The following ESRRB variants were observed in gnomAD, a reference collection of about 807,000 sequenced individuals.
The protein encoded by ESRRB is steroid hormone receptor ERR2.
ESRRB carries 16 observed loss-of-function variants against 46.0 expected under a neutral mutation model. That is an observed-to-expected ratio of 0.35 (90% CI 0.24 to 0.53). ESRRB has a LOEUF of 0.53. ESRRB is among the 20% of genes least tolerant of loss of function. The probability of loss-of-function intolerance (pLI) is 0.93; values close to 1 mark genes in which losing one functional copy is unlikely to be tolerated. For synonymous variants in ESRRB, 246 were observed against 259.6 expected, an observed-to-expected ratio of 0.95 and a Z score of 0.50; for missense variants, 488 against 607.4, an observed-to-expected ratio of 0.80 and a Z score of 2.07.
At chr14:76,320,542 G>A (rs1883855091) in intron 1 of ESRRB, among the ~76,000 whole-genome samples, 1 of 152,210 alleles carries the variant, frequency 6.6e-6, no homozygotes, top group South Asian at 2.1e-4. Context: ...AGGGCATGGT[G>A]GGCCCATCTC....
At chr14:76,410,220 C>T (rs1391067459) in intron 1 of ESRRB, among the ~76,000 whole-genome samples, 2 of 152,050 alleles carry the variant, frequency 1.3e-5, no homozygotes. Context: ...CAAGACAGGT[C>T]TCAAAACAAA....
intron 1 of ESRRB, among the ~76,000 whole-genome samples, chr14:76,344,900 T>C (rs1884232179): frequency 6.6e-6 from 1 of 151,768 alleles, no homozygotes; most frequent in Non-Finnish European, 1.5e-5. Context: ...TCACTGCAAA[T>C]GATGTTAATT....
At chr14:76,354,012 G>A (rs542090871) in intron 1 of ESRRB, among the ~76,000 whole-genome samples, 2 of 152,164 alleles carry the variant, frequency 1.3e-5, no homozygotes, top group Non-Finnish European at 2.9e-5. Context: ...CACATTGCAG[G>A]GGTTTGAACC....
chr14:76,494,346 G>A lies in ESRRB; in HGVS notation c.1120+2630G>A, dbSNP rs1890341055. Among the ~76,000 whole-genome samples, 3 of 132,258 alleles carry A rather than the reference G, an allele frequency of 2.3e-5. 1 individual carries two copies. The Admixed American group carries it at 2.5e-4, about 11-fold the overall frequency. The allele number at this position is 132,258 out of a possible 152,430, so 86.8% of individuals were successfully genotyped here. A position where few individuals can be genotyped will look rare whatever the true frequency, so the allele number is the denominator to read the frequency against. ...TTTGAGACAGAATTTTGCTCTTGTT[G>A]CCCAGGCTGGAATGCAGTGGTGCAA... On this transcript the variant is annotated intron_variant, in intron 6 of 6. Transcript: ENST00000644823.
Position 76,423,130 on chromosome 14 carries a change from ATCTT to A in ESRRB, c.51-16208_51-16205del, listed in dbSNP as rs536689282. On this transcript the variant is annotated intron_variant, in intron 1 of 6. Coordinates refer to ENST00000644823, the MANE Select transcript of ESRRB (RefSeq NM_001379180.1). The stretch of plus-strand genomic sequence containing the variant: ...ATCAGAAAATAAGAAAAATGCATAT[ATCTT>A]TCATAACCTTTTTTTTTTTTTTTTT... 4.7e-5 allele frequency among the ~76,000 whole-genome samples: 7 copies of A among 148,678 alleles called. No individual in the cohort carries two copies. The South Asian group carries it at 1.1e-3, about 23-fold the overall frequency.
intron 2 of ESRRB, among the ~76,000 whole-genome samples, chr14:76,457,657 A>G (rs1446787730): frequency 6.6e-6 from 1 of 152,098 alleles, no homozygotes; most frequent in African/African-American, 2.4e-5. Flanking sequence ...GCTTTCTGTC[A>G]CTGAATCTAG....
chr14:76,452,802 G>A (rs1039209156), intron 2 of ESRRB, among the ~76,000 whole-genome samples: 4 of 152,170 alleles, frequency 2.6e-5, no homozygotes, highest in South Asian at 2.1e-4. Flanking sequence ...GAACAATTTC[G>A]TCAGCTGGGA....
intron 1 of ESRRB, among the ~76,000 whole-genome samples, chr14:76,342,899 GTT>G (rs1172589255): frequency 2.0e-5 from 3 of 152,300 alleles, no homozygotes; most frequent in African/African-American, 7.2e-5. Flanking sequence ...AGCCTTTTAT[GTT>G]CCAGTAGAAA....
rs1178018542 is a variant in ESRRB, at chr14:76,469,944, C to CTTTTT, written c.577+7300_577+7304dup. 2.3e-3 allele frequency among the ~76,000 whole-genome samples: 165 copies of CTTTTT among 73,056 alleles called. 1 individual carries two copies. Among genetic ancestry groups the CTTTTT allele is most frequent in the East Asian group, 4.2e-3 (10 of 2,390 alleles). The allele number at this position is 73,056 out of a possible 152,430, so 47.9% of individuals were successfully genotyped here. On this transcript the variant is annotated intron_variant, in intron 3 of 6. Transcript: ENST00000644823. ...GTTTTTTGTTGTTTTTTTTTTTTTT[C>CTTTTT]TTTTTTTTTTTTTTTTTTTTTGAGA...
At chr14:76,412,954 ATAAAT>A (rs1218519415) in intron 1 of ESRRB, among the ~76,000 whole-genome samples, 1 of 152,188 alleles carries the variant, frequency 6.6e-6, no homozygotes, top group African/African-American at 2.4e-5. Context: ...TATCTCTACA[ATAAAT>A]TAAATTAAAT....
intron 6 of ESRRB, among the ~76,000 whole-genome samples, chr14:76,497,802 T>C (rs1279285897): frequency 1.3e-5 from 2 of 152,132 alleles, no homozygotes; most frequent in African/African-American, 2.4e-5. Context: ...CAAGTTCTGT[T>C]ATAAACCCTT....
chr14:76,379,877 A>AAG (rs58286685), intron 1 of ESRRB, among the ~76,000 whole-genome samples: 1 of 151,130 alleles, frequency 6.6e-6, no homozygotes, highest in East Asian at 1.9e-4. Flanking sequence ...AAAAAAAAAA[A>AAG]GCACAGAGAA....
chr14:76,430,868 G>A (rs1371423384), intron 1 of ESRRB, among the ~76,000 whole-genome samples: 1 of 152,238 alleles, frequency 6.6e-6, no homozygotes, highest in Non-Finnish European at 1.5e-5. Flanking sequence ...AGATTCTTGG[G>A]TGTGGTGGGT....
intron 1 of ESRRB, among the ~76,000 whole-genome samples, chr14:76,422,563 G>A (rs1168985745): frequency 6.6e-6 from 1 of 152,086 alleles, no homozygotes; most frequent in African/African-American, 2.4e-5. Flanking sequence ...GAACTATGTG[G>A]GTAGGGACCA....
intron 1 of ESRRB, among the ~76,000 whole-genome samples, chr14:76,361,350 C>T (rs1402231840): frequency 6.6e-6 from 1 of 152,142 alleles, no homozygotes; most frequent in Non-Finnish European, 1.5e-5. Context: ...TCCCCTCTGC[C>T]ACAGCAGTGA....
intron 3 of ESRRB, among the ~76,000 whole-genome samples, chr14:76,477,670 C>G (rs146243842): frequency 1.3e-3 from 200 of 152,312 alleles, no homozygotes; most frequent in African/African-American, 4.7e-3. Flanking sequence ...GAAGAGCAGA[C>G]AGGAAGCAAG....
intron 1 of ESRRB, among the ~76,000 whole-genome samples, chr14:76,425,474 C>T (rs781753547): frequency 3.9e-5 from 6 of 151,934 alleles, no homozygotes; most frequent in Non-Finnish European, 8.8e-5. Context: ...CCTGCCTGAG[C>T]GCCCCTGGCT....
chr14:76,383,768 T>C (rs1206350911), intron 1 of ESRRB, among the ~76,000 whole-genome samples: 6 of 152,128 alleles, frequency 3.9e-5, no homozygotes, highest in Non-Finnish European at 1.5e-5. Context: ...AGAATGCCTA[T>C]AATTGGCCCC....
intron 1 of ESRRB, among the ~76,000 whole-genome samples, chr14:76,431,378 A>C (rs901596830): frequency 2.0e-5 from 3 of 152,220 alleles, no homozygotes; most frequent in Admixed American, 1.3e-4. Flanking sequence ...GTCTAAGGCA[A>C]AATAGTTCAG....
Sources: gnomAD v4.1 joint callset for allele counts (sites outside exome capture counted in the v4.1 genomes callset) on GRCh38, gnomAD v4.1.1 for gene constraint, MANE v1.5 for transcripts, NCBI Gene and HGNC (gene_info 2026-07-23, HGNC 2026-07-21) for gene names.